Variants in FAM86B1 observed in about 807,000 individuals in gnomAD.
FAM86B1 encodes the protein family with sequence similarity 86 member B1 (gene/pseudogene).
For synonymous variants in FAM86B1, 4 were observed against 137.6 expected (o/e 0.03, Z 6.79); for missense variants, 13 against 328.1 (o/e 0.04, Z 7.42).
intron 1 of FAM86B1, among the ~76,000 whole-genome samples, chr8:12,193,013 A>T (rs2150758325): frequency 7.0e-6 from 1 of 143,454 alleles, no homozygotes; most frequent in South Asian, 2.1e-4. Context: ...CTGGGTCTGA[A>T]CTCTCAACTA....
intron 1 of FAM86B1, among the ~76,000 whole-genome samples, chr8:12,192,628 CCT>C (rs1229693583): frequency 2.3e-5 from 2 of 85,936 alleles, no homozygotes; most frequent in Admixed American, 1.3e-4. Flanking sequence ...TCACCATTTC[CCT>C]GTTTTATTGG....
chr8:12,186,062 G>C (rs1296516648), intron 5 of FAM86B1: 1 of 298,750 alleles, frequency 3.3e-6, no homozygotes, highest in Non-Finnish European at 5.8e-6. Context: ...AGAAGTGGTT[G>C]TTTTCCTCCT....
chr8:12,190,961 C>A (rs1288971531), intron 2 of FAM86B1, among the ~76,000 whole-genome samples: 1 of 137,868 alleles, frequency 7.3e-6, no homozygotes, highest in Non-Finnish European at 1.5e-5. Context: ...CAGGGTGAAA[C>A]TCAGAGCAAG....
At chr8:12,187,269 T>G (rs1184188442) in intron 3 of FAM86B1, among the ~76,000 whole-genome samples, 9 of 26,504 alleles carry the variant, frequency 3.4e-4, no homozygotes, top group African/African-American at 7.1e-4. Context: ...CTTGGCTTAC[T>G]GCAACATCTG....
chr8:12,191,108 G>C (rs1464265557), intron 2 of FAM86B1, among the ~76,000 whole-genome samples: 1 of 136,776 alleles, frequency 7.3e-6, no homozygotes, highest in African/African-American at 3.0e-5. Flanking sequence ...TCTTCACCGG[G>C]GCTCCTAGGA....
At chr8:12,189,223 G>A (rs1221570118) in intron 3 of FAM86B1, among the ~76,000 whole-genome samples, 1 of 147,020 alleles carries the variant, frequency 6.8e-6, no homozygotes, top group Admixed American at 6.7e-5. Context: ...ATCCAGCCTG[G>A]GCAACACAGT....
Position 12,185,359 on chromosome 8 carries a change from T to G in FAM86B1, c.790+17A>C, listed in dbSNP as rs774511714. 1 of 1,584,446 alleles carries G rather than the reference T, an allele frequency of 6.3e-7. No individual in the cohort carries two copies. The highest frequency in any genetic ancestry group is 8.6e-7 in the Non-Finnish European group (1 of 1,162,830). On this transcript the variant is annotated intron_variant, in intron 6 of 6. Coordinates refer to ENST00000448228, the MANE Select transcript of FAM86B1 (RefSeq NM_001083537.4). ...AGCTCGGGCACCATGTAGGCCCGGG[T>G]GGGCGTGGGGGTTCACCTAGCTCGG... is the stretch of plus-strand genomic sequence containing the variant.
intron 5 of FAM86B1, chr8:12,185,737 A>G (rs1805719334): frequency 2.2e-6 from 1 of 444,924 alleles, no homozygotes; most frequent in East Asian, 3.9e-5. Context: ...AGCAAAAGAA[A>G]AAAATCTCCA....
In FAM86B1 at chr8:12,184,171, C is replaced by A. The variant is rs976538713; in HGVS notation, c.791-465G>T. ...TGCAGGTTTTTTTTCACGTAAGTATCTGAAGAAAGACTTCCTTTTTTTTTT... is the reference window on the plus strand; with the variant it reads ...TGCAGGTTTTTTTTCACGTAAGTATATGAAGAAAGACTTCCTTTTTTTTTT... On this transcript the variant is annotated intron_variant, in intron 6 of 6. Coordinates refer to ENST00000448228, the MANE Select transcript of FAM86B1 (RefSeq NM_001083537.4). Among the ~76,000 whole-genome samples the A allele has an allele frequency of 1.0e-4, 2 of 19,180 alleles. 1 individual carries two copies. Among genetic ancestry groups the A allele is most frequent in the Non-Finnish European group, 1.7e-4 (2 of 12,042 alleles). 12.6% of individuals were successfully genotyped at this position (19,180 alleles called of 152,430 possible). A position where few individuals can be genotyped will look rare whatever the true frequency, so the allele number is the denominator to read the frequency against.
chr8:12,193,352 A>G (rs929638587), intron 1 of FAM86B1, among the ~76,000 whole-genome samples: 17 of 143,724 alleles, frequency 1.2e-4, no homozygotes, highest in Non-Finnish European at 4.5e-5. Context: ...AGCTCAATGC[A>G]CATGAATTAC....
At chr8:12,191,293 G>A (rs1806827398) in intron 2 of FAM86B1, among the ~76,000 whole-genome samples, 3 of 78,336 alleles carry the variant, frequency 3.8e-5, no homozygotes, top group Admixed American at 1.3e-4. Flanking sequence ...GGCCCTCAAT[G>A]CCAAGGTCAG....
At chr8:12,184,151 G>GT (rs1330139979) in intron 6 of FAM86B1, among the ~76,000 whole-genome samples, 1 of 27,340 alleles carries the variant, frequency 3.7e-5, no homozygotes, top group East Asian at 8.0e-4. Context: ...GATATTGCAG[G>GT]TTTTTTTTCA....
Position 12,182,366 on chromosome 8 carries a change from T to G in FAM86B1, c.*1240A>C, listed in dbSNP as rs1805048962. The G allele has an allele frequency of 1.9e-6, 1 of 530,316 alleles. No individual in the cohort carries two copies. The highest frequency in any genetic ancestry group is 3.3e-5 in the East Asian group (1 of 30,300). 32.9% of individuals were successfully genotyped at this position (530,316 alleles called of 1,614,324 possible). A position where few individuals can be genotyped will look rare whatever the true frequency, so the allele number is the denominator to read the frequency against. On this transcript the variant is annotated 3_prime_UTR_variant, in exon 7 of 7. Coordinates refer to ENST00000448228, the MANE Select transcript of FAM86B1 (RefSeq NM_001083537.4). ...GGGAAAGTGGGACATACGGGGAAGT[T>G]TCCAGAAAGCATGATGTCAAGTTGG...
intron 2 of FAM86B1, among the ~76,000 whole-genome samples, chr8:12,191,176 G>A (rs2150746326): frequency 1.5e-5 from 1 of 67,886 alleles, no homozygotes; most frequent in Non-Finnish European, 2.5e-5. Flanking sequence ...TATGGAAAAT[G>A]TATTCTGGTG....
chr8:12,194,720 G>A (rs559562388), upstream of FAM86B1: 1,229 of 165,802 alleles, frequency 7.4e-3, 11 homozygotes, highest in African/African-American at 0.033. Context: ...GCGGAGCTTA[G>A]GGAGGGGCCG....
chr8:12,192,988 C>A (rs1807176101), intron 1 of FAM86B1, among the ~76,000 whole-genome samples: 1 of 143,742 alleles, frequency 7.0e-6, no homozygotes, highest in Non-Finnish European at 1.5e-5. Flanking sequence ...GGATTCGAAG[C>A]AGGCAGGCTG....
chr8:12,184,046 G>A (rs1355446370), intron 6 of FAM86B1, among the ~76,000 whole-genome samples: 1 of 63,172 alleles, frequency 1.6e-5, no homozygotes, highest in Non-Finnish European at 2.8e-5. Context: ...TTAGAAAGTG[G>A]CCGGGCACAG....
chr8:12,193,226 T>A (rs1245098934), intron 1 of FAM86B1, among the ~76,000 whole-genome samples: 1 of 145,672 alleles, frequency 6.9e-6, no homozygotes, highest in Non-Finnish European at 1.5e-5. Context: ...TGACCAGAAA[T>A]GATCTCTGAG....
chr8:12,192,734 C>G (rs1414894382), intron 1 of FAM86B1, among the ~76,000 whole-genome samples: 1 of 143,030 alleles, frequency 7.0e-6, no homozygotes, highest in Non-Finnish European at 1.5e-5. Context: ...TGGGTACTGC[C>G]GATCCATGGT....
Sources: allele counts gnomAD v4.1 joint callset (sites outside exome capture counted in the v4.1 genomes callset), GRCh38; gene constraint gnomAD v4.1.1; transcripts MANE v1.5; gene names NCBI Gene and HGNC (gene_info 2026-07-23, HGNC 2026-07-21).